MBNL1: variants seen among roughly 807,000 people sequenced by gnomAD.
The protein encoded by MBNL1 is muscleblind-like protein 1.
A neutral mutation model predicts 42.2 loss-of-function variants in MBNL1; 8 were observed. That is an observed-to-expected ratio of 0.19 (90% CI 0.11 to 0.34). The LOEUF is 0.34. Among genes scored for constraint, MBNL1 ranks in the 10% least tolerant of loss-of-function variants. The probability of loss-of-function intolerance (pLI) is 1.00; values close to 1 mark genes in which losing one functional copy is unlikely to be tolerated. For missense variants in MBNL1, 309 were observed against 495.3 expected, an observed-to-expected ratio of 0.62 and a Z score of 3.57; for synonymous variants, 169 against 173.9, an observed-to-expected ratio of 0.97 and a Z score of 0.22.
intron 3 of MBNL1, among the ~76,000 whole-genome samples, chr3:152,429,792 T>C (rs903310383): frequency 6.7e-6 from 1 of 149,614 alleles, no homozygotes; most frequent in Non-Finnish European, 1.5e-5. Flanking sequence ...TGGTGTGTGT[T>C]TGTGTGTGTG....
chr3:152,359,718 T>C (rs1281901635), intron 2 of MBNL1, among the ~76,000 whole-genome samples: 1 of 152,178 alleles, frequency 6.6e-6, no homozygotes, highest in Non-Finnish European at 1.5e-5. Flanking sequence ...TCTGATGGTG[T>C]TAATTAATGT....
chr3:152,441,891 C>A (rs2099150103), intron 4 of MBNL1, among the ~76,000 whole-genome samples: 1 of 152,176 alleles, frequency 6.6e-6, no homozygotes, highest in African/African-American at 2.4e-5. Context: ...TTCCCAGGTT[C>A]AAGCAATTCT....
intron 2 of MBNL1, among the ~76,000 whole-genome samples, chr3:152,356,850 G>T (rs1210565570): frequency 1.3e-5 from 1 of 78,984 alleles, no homozygotes; most frequent in Non-Finnish European, 2.6e-5. Context: ...CTGGGCATAT[G>T]TGTGTAGTGT....
chr3:152,270,487 T>C (rs573629022), intron 1 of MBNL1, among the ~76,000 whole-genome samples: 3 of 151,782 alleles, frequency 2.0e-5, no homozygotes, highest in African/African-American at 4.9e-5. Context: ...TCCACAGTTA[T>C]CTCTCTGTGT....
chr3:152,341,401 T>G (rs935975790), intron 2 of MBNL1, among the ~76,000 whole-genome samples: 3 of 152,204 alleles, frequency 2.0e-5, no homozygotes, highest in Non-Finnish European at 4.4e-5. Context: ...TTTAAGTACT[T>G]TTAGAGTGGG....
chr3:152,377,180 A>G (rs1203404314), intron 2 of MBNL1, among the ~76,000 whole-genome samples: 1 of 152,162 alleles, frequency 6.6e-6, no homozygotes, highest in Non-Finnish European at 1.5e-5. Context: ...CTCATTTTTG[A>G]TAAGATGATA....
intron 2 of MBNL1, among the ~76,000 whole-genome samples, chr3:152,357,713 T>G (rs113749065): frequency 3.4e-4 from 52 of 152,334 alleles, no homozygotes; most frequent in African/African-American, 1.2e-3. Flanking sequence ...TACTCTTGCT[T>G]CTTTAAGTTA....
chr3:152,269,173 G>A (rs2038444472), intron 1 of MBNL1, 81 bp downstream of exon 1: 1 of 401,132 alleles, frequency 2.5e-6, no homozygotes, highest in African/African-American at 2.1e-5. Flanking sequence ...GAAGGAGGAA[G>A]TGCGAGGAGG....
chr3:152,440,679 A>G (rs1343743986), intron 4 of MBNL1, among the ~76,000 whole-genome samples: 3 of 152,242 alleles, frequency 2.0e-5, no homozygotes, highest in Non-Finnish European at 4.4e-5. Context: ...TAATTGTACA[A>G]TAAATTGACT....
intron 2 of MBNL1, among the ~76,000 whole-genome samples, chr3:152,313,805 A>AAT (rs2068607496): frequency 2.0e-5 from 3 of 152,234 alleles, no homozygotes; most frequent in Admixed American, 2.0e-4. Context: ...ATCAAGAGAA[A>AAT]ATAACCCCTT....
intron 2 of MBNL1, among the ~76,000 whole-genome samples, chr3:152,413,702 A>C (rs1044181778): frequency 6.6e-6 from 1 of 152,230 alleles, no homozygotes; most frequent in Non-Finnish European, 1.5e-5. Context: ...TGTTTTTAGA[A>C]TGTGAATGAT....
chr3:152,308,732 G>A (rs995868792), intron 2 of MBNL1, among the ~76,000 whole-genome samples: 2 of 152,024 alleles, frequency 1.3e-5, no homozygotes, highest in African/African-American at 4.8e-5. Context: ...TCAGCTGTGT[G>A]GTTGTTGCTG....
intron 2 of MBNL1, among the ~76,000 whole-genome samples, chr3:152,407,659 G>A (rs1291341326): frequency 1.3e-5 from 2 of 152,100 alleles, no homozygotes; most frequent in African/African-American, 4.8e-5. Flanking sequence ...AAAGAGTCAT[G>A]AATATTTGAG....
chr3:152,454,225 C>G (rs567993405), intron 6 of MBNL1, among the ~76,000 whole-genome samples: 1 of 152,254 alleles, frequency 6.6e-6, no homozygotes, highest in African/African-American at 2.4e-5. Context: ...AGAGTTTAAT[C>G]GTTGATCACT....
rs187364473 is a variant in MBNL1 at position 152,406,067 on chromosome 3, T to C, written c.175-8874T>C. The stretch of plus-strand genomic sequence containing the variant: ...TGGAGTGTTCAATGATGCTGGCACC[T>C]ACCAAATGTCACTGGGCTTTCACAA... On this transcript the variant is annotated intron_variant, in intron 2 of 9. Coordinates refer to ENST00000324210, the MANE Select transcript of MBNL1 (RefSeq NM_021038.5). 1.2e-4 allele frequency among the ~76,000 whole-genome samples: 18 copies of C among 152,338 alleles called. No homozygotes were observed. The East Asian group carries it at 3.3e-3, about 28-fold the overall frequency.
intron 4 of MBNL1, among the ~76,000 whole-genome samples, chr3:152,434,819 T>C (rs1004988054): frequency 1.3e-5 from 2 of 152,170 alleles, no homozygotes; most frequent in Admixed American, 1.3e-4. Context: ...ATTTTTCATA[T>C]GCTTGTTGGC....
intron 2 of MBNL1, among the ~76,000 whole-genome samples, chr3:152,406,853 T>C (rs1162315009): frequency 6.6e-6 from 1 of 152,166 alleles, no homozygotes; most frequent in Non-Finnish European, 1.5e-5. Flanking sequence ...GCTAGAAAAG[T>C]CTAACCTAAA....
At chr3:152,368,621 GA>G (rs1368978399) in intron 2 of MBNL1, among the ~76,000 whole-genome samples, 1 of 152,114 alleles carries the variant, frequency 6.6e-6, no homozygotes, top group African/African-American at 2.4e-5. Context: ...CCATTTTCAT[GA>G]TATTGATTCT....
intron 2 of MBNL1, among the ~76,000 whole-genome samples, chr3:152,311,208 C>T (rs1026426022): frequency 6.6e-6 from 1 of 151,920 alleles, no homozygotes; most frequent in African/African-American, 2.4e-5. Flanking sequence ...GGGGTTTCAC[C>T]ATGTTGGTCA....
Sources: gnomAD v4.1 joint callset for allele counts (sites outside exome capture counted in the v4.1 genomes callset) on GRCh38, gnomAD v4.1.1 for gene constraint, MANE v1.5 for transcripts, NCBI Gene and HGNC (gene_info 2026-07-23, HGNC 2026-07-21) for gene names.